The following AGO2 variants were observed in gnomAD, a reference collection of about 807,000 sequenced individuals.
AGO2 encodes argonaute RISC catalytic component 2, also known as protein argonaute-2.
In AGO2, 5 loss-of-function variants were observed where a neutral mutation model predicts 102.3. The observed-to-expected ratio is 0.05, with a 90% CI of 0.03 to 0.10. The LOEUF (loss-of-function observed/expected upper bound fraction) is 0.10. AGO2 is among the 10% of genes least tolerant of loss of function. The probability of loss-of-function intolerance (pLI) is 1.00; values close to 1 mark genes in which losing one functional copy is unlikely to be tolerated. For missense variants in AGO2, 541 were observed against 1,183.7 expected (o/e 0.46, Z 7.97); for synonymous variants, 449 against 473.1 (o/e 0.95, Z 0.66).
intron 1 of AGO2, among the ~76,000 whole-genome samples, chr8:140,619,323 T>C (rs1322315061): frequency 6.6e-6 from 1 of 152,182 alleles, no homozygotes; most frequent in Non-Finnish European, 1.5e-5. Flanking sequence ...ACGACCTCAC[T>C]TTCCACTCTG....
At chr8:140,573,009 ATTTTT>A in intron 2 of AGO2, 77 bp from the exon 3 acceptor site, 202 of 1,251,658 alleles carry the variant, frequency 1.6e-4, no homozygotes, top group Admixed American at 4.2e-4. Flanking sequence ...TTCTGACGCT[ATTTTT>A]TTTTTTTTTT....
intron 1 of AGO2, among the ~76,000 whole-genome samples, chr8:140,620,151 AG>A (rs1217634195): frequency 6.6e-6 from 1 of 152,188 alleles, no homozygotes; most frequent in African/African-American, 2.4e-5. Flanking sequence ...CAGGAGGAAG[AG>A]GGGCCTTCAG....
At chr8:140,556,082 C>T (rs1405458933) in intron 9 of AGO2, 64 bp from the exon 10 acceptor site, 52 of 1,610,820 alleles carry the variant, frequency 3.2e-5, no homozygotes, top group African/African-American at 9.3e-5. Context: ...CTAGCAGCTG[C>T]GTCCGTTCCA....
chr8:140,609,798 C>T (rs959711203), intron 1 of AGO2, among the ~76,000 whole-genome samples: 7 of 152,108 alleles, frequency 4.6e-5, no homozygotes, highest in Non-Finnish European at 7.3e-5. Flanking sequence ...AGACAGACTA[C>T]AACAGCCAGG....
intron 17 of AGO2, among the ~76,000 whole-genome samples, chr8:140,533,180 G>C (rs60878167): frequency 6.7e-6 from 1 of 149,548 alleles, no homozygotes; most frequent in Admixed American, 6.7e-5. Context: ...ACAAGGTCAG[G>C]AGATCGAGAC....
At chr8:140,600,429 C>T (rs2073915483) in intron 1 of AGO2, among the ~76,000 whole-genome samples, 1 of 152,186 alleles carries the variant, frequency 6.6e-6, no homozygotes, top group Non-Finnish European at 1.5e-5. Context: ...GCCTGTAATC[C>T]CAGCATTTTG....
intron 4 of AGO2, among the ~76,000 whole-genome samples, 176 bp from the exon 5 acceptor site, chr8:140,560,686 G>A (rs2073184805): frequency 6.6e-6 from 1 of 152,224 alleles, no homozygotes; most frequent in South Asian, 2.1e-4. Flanking sequence ...CCTGCTGTGT[G>A]GGACACTGTG....
At chr8:140,533,954 G>A (rs557563339) in intron 17 of AGO2, among the ~76,000 whole-genome samples, 3 of 152,184 alleles carry the variant, frequency 2.0e-5, no homozygotes, top group Non-Finnish European at 4.4e-5. Flanking sequence ...AGGCCTCTCT[G>A]CCACCTCTGC....
chr8:140,586,839 T>C (rs555680365), intron 1 of AGO2, among the ~76,000 whole-genome samples: 29 of 152,200 alleles, frequency 1.9e-4, no homozygotes, highest in African/African-American at 6.3e-4. Flanking sequence ...AGCCCGGGAA[T>C]CTGGCCCTGT....
intron 2 of AGO2, among the ~76,000 whole-genome samples, chr8:140,582,800 A>G (rs1017446163): frequency 6.6e-6 from 1 of 152,250 alleles, no homozygotes; most frequent in Non-Finnish European, 1.5e-5. Context: ...AACAAAACTA[A>G]AAAGTTCTAC....
intron 1 of AGO2, among the ~76,000 whole-genome samples, chr8:140,613,093 G>A (rs1047051609): frequency 1.3e-4 from 19 of 151,032 alleles, no homozygotes; most frequent in African/African-American, 1.9e-4. Context: ...CCAGCTACTC[G>A]GGAGGCTGAG....
intron 10 of AGO2, among the ~76,000 whole-genome samples, chr8:140,552,735 C>T (rs1338508032): frequency 2.3e-5 from 3 of 130,232 alleles, no homozygotes; most frequent in Non-Finnish European, 1.6e-5. Context: ...TGCACGCGCG[C>T]GCGCGCACAC....
In AGO2 at chr8:140,547,614, G is replaced by A. The variant is rs373997324; in HGVS notation, c.1602C>T (p.Arg534=). The change falls in exon 13 of 19, where the codon CGC becomes CGT. Residue 534 remains arginine (R), a synonymous_variant. Coordinates refer to ENST00000220592, the MANE Select transcript of AGO2 (RefSeq NM_012154.5). The part of the protein sequence containing the change: ...GKTPVYAEVK[R]VGDTVLGMAT... ...CCATCCCCAGCACCGTGTCTCCCAC[G>A]CGCTTGACCTCGGCTAAGGGACATG... The A allele has an allele frequency of 3.6e-5, 58 of 1,613,212 alleles. No individual in the cohort carries two copies. Among genetic ancestry groups the A allele is most frequent in the East Asian group, 8.9e-5 (4 of 44,880 alleles).
intron 14 of AGO2, among the ~76,000 whole-genome samples, chr8:140,543,603 A>G (rs768859467): frequency 1.1e-4 from 16 of 152,122 alleles, no homozygotes; most frequent in Non-Finnish European, 2.1e-4. Flanking sequence ...CTACAGGCGC[A>G]CGCCACCACC....
intron 1 of AGO2, among the ~76,000 whole-genome samples, chr8:140,632,874 G>A (rs2074358496): frequency 6.6e-6 from 1 of 151,854 alleles, no homozygotes; most frequent in South Asian, 2.1e-4. Context: ...GTTACAATTG[G>A]AAGTAGCAAA....
rs9969457 is a variant in AGO2 at position 140,553,404 on chromosome 8, G to T, written c.1270-1968C>A. On this transcript the variant is annotated intron_variant, in intron 10 of 18. Transcript: ENST00000220592. Reference sequence around the variant, plus strand: ...GCCTCAAACAAGTTACAAGTTTTTTGTTTTTTGTTTTTTTTTTTTTTTGAG... The same window carrying T: ...GCCTCAAACAAGTTACAAGTTTTTTTTTTTTTGTTTTTTTTTTTTTTTGAG... Among the ~76,000 whole-genome samples, 993 of 101,598 alleles carry T rather than the reference G, an allele frequency of 9.8e-3. 6 individuals are homozygous for T. The highest frequency in any genetic ancestry group is 0.017 in the African/African-American group (354 of 20,580). 66.7% of individuals were successfully genotyped at this position (101,598 alleles called of 152,430 possible). A position where few individuals can be genotyped will look rare whatever the true frequency, so the allele number is the denominator to read the frequency against.
At chr8:140,568,397 C>T (rs2132964693) in intron 3 of AGO2, among the ~76,000 whole-genome samples, 1 of 152,208 alleles carries the variant, frequency 6.6e-6, no homozygotes, top group African/African-American at 2.4e-5. Context: ...TTGGCTATGG[C>T]CCTGGCTGAG....
upstream of AGO2, among the ~76,000 whole-genome samples, chr8:140,638,500 C>T (rs1475035734): frequency 3.9e-5 from 6 of 152,334 alleles, no homozygotes; most frequent in African/African-American, 1.4e-4. Context: ...CACGAGGTAC[C>T]TCAAGGTTCC....
chr8:140,625,063 G>A (rs761616442), intron 1 of AGO2, among the ~76,000 whole-genome samples: 40 of 152,250 alleles, frequency 2.6e-4, no homozygotes, highest in Non-Finnish European at 5.3e-4. Flanking sequence ...GTGGCCACAG[G>A]GATCCTTTTA....
Sources: allele counts gnomAD v4.1 joint callset (sites outside exome capture counted in the v4.1 genomes callset), GRCh38; gene constraint gnomAD v4.1.1; transcripts MANE v1.5; gene names NCBI Gene and HGNC (gene_info 2026-07-23, HGNC 2026-07-21).